Variants in ATG2A observed in about 807,000 individuals in gnomAD.
ATG2A encodes the protein autophagy-related protein 2 homolog A.
ATG2A carries 103 observed loss-of-function variants against 214.2 expected under a neutral mutation model. That is an observed-to-expected ratio of 0.48 (90% CI 0.41 to 0.57). ATG2A has a LOEUF of 0.57. Among genes scored for constraint, ATG2A ranks in the 20% least tolerant of loss-of-function variants. ATG2A has a pLI of 0.00. For synonymous variants in ATG2A, 1,160 were observed against 1,142.1 expected, an observed-to-expected ratio of 1.02 and a Z score of -0.32; for missense variants, 2,312 against 2,613.2, an observed-to-expected ratio of 0.88 and a Z score of 2.51.
chr11:64,905,182 G>A (rs558396343), intron 24 of ATG2A, among the ~76,000 whole-genome samples: 2 of 152,282 alleles, frequency 1.3e-5, no homozygotes, highest in East Asian at 1.9e-4. Context: ...GGATTCTTCA[G>A]CTTCACCTTA....
In ATG2A at chr11:64,908,846, G is replaced by A. The variant is rs1295589166; in HGVS notation, c.2364+145C>T. On this transcript the variant is annotated intron_variant, in intron 16 of 40. Coordinates refer to ENST00000377264, the MANE Select transcript of ATG2A (RefSeq NM_015104.3). ...ACTGGCTGGAAAGAATGGAAGAGCC[G>A]AAATCCTCACTGGTGTTGGGTCAGC... 6.8e-5 allele frequency: 60 copies of A among 876,696 alleles called. No individual in the cohort carries two copies. The East Asian group carries it at 1.3e-3, about 19-fold the overall frequency. 54.3% of individuals were successfully genotyped at this position (876,696 alleles called of 1,614,324 possible). A position where few individuals can be genotyped will look rare whatever the true frequency, so the allele number is the denominator to read the frequency against.
chr11:64,914,266 G>A, intron 2 of ATG2A, 33 bp from the exon 3 acceptor site: 1 of 1,550,840 alleles, frequency 6.4e-7, no homozygotes, highest in Non-Finnish European at 8.7e-7. Context: ...AAGGCAGGCA[G>A]GCCCAGTCAG....
intron 36 of ATG2A, 24 bp from the exon 37 acceptor site, chr11:64,897,518 T>A: frequency 6.3e-7 from 1 of 1,586,324 alleles, no homozygotes; most frequent in East Asian, 2.3e-5. Context: ...GGGGTCCAGG[T>A]TTACCCAATG....
intron 39 of ATG2A, among the ~76,000 whole-genome samples, chr11:64,896,256 T>G (rs907542269): frequency 1.3e-5 from 2 of 152,222 alleles, no homozygotes; most frequent in African/African-American, 2.4e-5. Context: ...CGCTCCTGCA[T>G]GGGAGCCCCT....
At position 64,909,894 on chromosome 11, in the gene ATG2A, T is replaced by C. The variant is rs1565056985; in HGVS notation, c.1894A>G (p.Thr632Ala). 6.2e-7 allele frequency: 1 copy of C among 1,604,794 alleles called. No individual in the cohort carries two copies. The highest frequency in any genetic ancestry group is 8.5e-7 in the Non-Finnish European group (1 of 1,175,986). Residue 632 changes from threonine to alanine, a missense_variant, in exon 14 of 41, where the codon ACG becomes GCG. Physicochemically the swap from Thr to Ala is moderately conservative, Grantham distance 58. Transcript: ENST00000377264. ...TEPLPAMEQQ[T>A]VFRLSAPRAT... ...CGGGGTGCAGAGAGCCGAAATACCG[T>C]CTGCTGCTCCATCGCCGGCAGGGGC...
rs78213205 is a variant in ATG2A at position 64,894,734 on chromosome 11, C to A, written c.*239G>T. On this transcript the variant is annotated 3_prime_UTR_variant, in exon 41 of 41. Coordinates refer to ENST00000377264, the MANE Select transcript of ATG2A (RefSeq NM_015104.3). ...CCTGGGAGAAGGCAGCAGTGTGGGCCCAGGTCGGGGGAGGGGCAGTGTCCT... is the reference window on the plus strand; with the variant it reads ...CCTGGGAGAAGGCAGCAGTGTGGGCACAGGTCGGGGGAGGGGCAGTGTCCT... 4,425 of 702,360 alleles carry A rather than the reference C, an allele frequency of 6.3e-3. 142 individuals carry two copies. In the African/African-American group the frequency reaches 0.067, roughly 11 times the overall value. The allele number at this position is 702,360 out of a possible 1,614,324, so 43.5% of individuals were successfully genotyped here.
chr11:64,896,275 C>T (rs60217790), intron 39 of ATG2A, among the ~76,000 whole-genome samples, 187 bp downstream of exon 39: 3,032 of 152,298 alleles, frequency 0.02, 105 homozygotes, highest in African/African-American at 0.068. Context: ...CTGTGGGCCT[C>T]GGGAGACCTG....
Position 64,902,189 on chromosome 11 carries a change from G to A in ATG2A, c.3905-13C>T. On this transcript the variant is annotated splice_polypyrimidine_tract_variant and intron_variant, in intron 28 of 40. Coordinates refer to ENST00000377264, the MANE Select transcript of ATG2A (RefSeq NM_015104.3). Reference sequence around the variant, plus strand: ...GGGAGGTGGCCACCTATAGGAGAGAGGCCAGTTTGGAGAGGCGCCCACAGT... The same window carrying A: ...GGGAGGTGGCCACCTATAGGAGAGAAGCCAGTTTGGAGAGGCGCCCACAGT... The A allele has an allele frequency of 6.2e-7, 1 of 1,612,890 alleles. No homozygotes were observed. Among genetic ancestry groups the A allele is most frequent in the Non-Finnish European group, 8.5e-7 (1 of 1,179,984 alleles).
rs372801800 is a variant in ATG2A, at chr11:64,898,762, C to T, written c.4545G>A (p.Pro1515=). The T allele has an allele frequency of 3.6e-5, 58 of 1,613,762 alleles. No individual in the cohort carries two copies. The highest frequency in any genetic ancestry group is 3.2e-4 in the South Asian group (29 of 91,082). ...AAPSQELEER[P]LSRQVFIVQE... ...GCACGATGAACACCTGACGGGACAG[C>T]GGTCGCTCCTCCAGCTCCTGGCTGG... Residue 1515 remains proline (P), a synonymous_variant, in exon 32 of 41, where the codon CCG becomes CCA. Coordinates refer to ENST00000377264, the MANE Select transcript of ATG2A (RefSeq NM_015104.3). This position sits in a 1 kb window ranked among gnomAD's most constrained non-coding sequence, Gnocchi z 4.5.
intron 1 of ATG2A, among the ~76,000 whole-genome samples, chr11:64,915,695 AG>A (rs1233284856): frequency 6.6e-6 from 1 of 152,176 alleles, no homozygotes; most frequent in Non-Finnish European, 1.5e-5. Context: ...GGGGAAGCCT[AG>A]GGCTGGGTAT....
Position 64,903,779 on chromosome 11 carries a change from A to G in ATG2A, c.3465-119T>C. The stretch of plus-strand genomic sequence containing the variant: ...GGTATGGACAGGCCCCTCCAGCCTC[A>G]GCGTTCCTGCCTGCACAATGGGGAG... On this transcript the variant is annotated intron_variant, in intron 24 of 40. Coordinates refer to ENST00000377264, the MANE Select transcript of ATG2A (RefSeq NM_015104.3). This position sits in a 1 kb window ranked among gnomAD's most constrained non-coding sequence, Gnocchi z 4.2. 2 of 956,460 alleles carry G rather than the reference A, an allele frequency of 2.1e-6. No individual in the cohort carries two copies. Among genetic ancestry groups the G allele is most frequent in the Middle Eastern group, 3.3e-4 (1 of 3,024 alleles). 59.2% of individuals were successfully genotyped at this position (956,460 alleles called of 1,614,324 possible). A position where few individuals can be genotyped will look rare whatever the true frequency, so the allele number is the denominator to read the frequency against.
chr11:64,905,735 C>T lies in ATG2A; in HGVS notation c.3371+7G>A, dbSNP rs1944521848. 1 of 1,613,966 alleles carries T rather than the reference C, an allele frequency of 6.2e-7. No individual in the cohort carries two copies. On this transcript the variant is annotated splice_region_variant and intron_variant, in intron 23 of 40. Transcript: ENST00000377264. Reference sequence around the variant, plus strand: ...GTCCCCAGCCCCTGGCCCACCCAGCCTGGTACCTATAGTCCACAGAGCAGG... The same window carrying T: ...GTCCCCAGCCCCTGGCCCACCCAGCTTGGTACCTATAGTCCACAGAGCAGG...
In ATG2A at chr11:64,896,613, T is replaced by C. The variant is rs759205889; in HGVS notation, c.5276A>G (p.Gln1759Arg). The stretch of plus-strand genomic sequence containing the variant: ...CAGCCACAGCAGGTCCCGGAACCCT[T>C]GGACTAGGGGGAAGGAGCGCTCAGA... ...GPMHSVVQLF[Q>R]GFRDLLWLPI... Residue 1759 changes from glutamine (Q) to arginine (R), a missense_variant, in exon 39 of 41, where the codon CAA becomes CGA. Gln to Arg is a conservative substitution (Grantham distance 43). Transcript: ENST00000377264. 2 of 1,613,374 alleles carry C rather than the reference T, an allele frequency of 1.2e-6. No individual in the cohort carries two copies. The highest frequency in any genetic ancestry group is 4.5e-5 in the East Asian group (2 of 44,874).
At chr11:64,900,318 C>A (rs1944307535) in intron 31 of ATG2A, among the ~76,000 whole-genome samples, 176 bp downstream of exon 31, 1 of 152,234 alleles carries the variant, frequency 6.6e-6, no homozygotes, top group Non-Finnish European at 1.5e-5. Flanking sequence ...TGCAGACTCT[C>A]CCCTGAGCGC....
chr11:64,917,201 C>T lies in ATG2A; in HGVS notation c.-66G>A. On this transcript the variant is annotated 5_prime_UTR_variant, in exon 1 of 41. Transcript: ENST00000377264. Reference sequence around the variant, plus strand: ...CGCCGGCGATCCCCGTCCGGCTCCGCTGTTCACTAGAGCCCCCGGCTCGCC... The same window carrying T: ...CGCCGGCGATCCCCGTCCGGCTCCGTTGTTCACTAGAGCCCCCGGCTCGCC... 6.7e-7 allele frequency: 1 copy of T among 1,502,482 alleles called. No individual in the cohort carries two copies. Among genetic ancestry groups the T allele is most frequent in the Non-Finnish European group, 8.9e-7 (1 of 1,119,788 alleles). The allele number at this position is 1,502,482 out of a possible 1,614,324, so 93.1% of individuals were successfully genotyped here.
chr11:64,900,741 G>A (rs1053341518), intron 30 of ATG2A, 112 bp from the exon 31 acceptor site: 2 of 1,449,652 alleles, frequency 1.4e-6, no homozygotes, highest in African/African-American at 2.9e-5. Flanking sequence ...AGTCCTGGAA[G>A]GCAGGCGGGA....
At chr11:64,909,656 A>T in intron 14 of ATG2A, 25 bp downstream of exon 14, 1 of 1,604,482 alleles carries the variant, frequency 6.2e-7, no homozygotes, top group Non-Finnish European at 8.5e-7. Context: ...TCTTGCCCCA[A>T]GTTCTGTCAC....
chr11:64,902,666 G>A lies in ATG2A; in HGVS notation c.3627C>T (p.Phe1209=), dbSNP rs575286148. 696 of 1,610,150 alleles carry A rather than the reference G, an allele frequency of 4.3e-4. 1 individual carries two copies. Among genetic ancestry groups the A allele is most frequent in the Middle Eastern group, 8.2e-4 (4 of 4,902 alleles). The change falls in exon 27 of 41, where the codon TTC becomes TTT. Residue 1209 remains phenylalanine (F), a synonymous_variant. Transcript: ENST00000377264. ...CCACATTGTTGGAGCAGCGCAGCTC[G>A]AATAGTGGCTGGCTCTGCAGGGGCG... ...STEGKLSQPL[F]ELRCSNNVVH... is the part of the protein sequence containing the mutation.
At chr11:64,905,955 AG>A (rs1944530787) in intron 22 of ATG2A, 107 bp from the exon 23 acceptor site, 1 of 1,376,126 alleles carries the variant, frequency 7.3e-7, no homozygotes, top group Non-Finnish European at 1.0e-6. Flanking sequence ...TCTGCCCACT[AG>A]CTGTCTGCCA....
Sources: gnomAD v4.1 joint callset for allele counts (sites outside exome capture counted in the v4.1 genomes callset) on GRCh38, gnomAD v4.1.1 for gene constraint, Gnocchi (gnomAD v3.1) non-coding constraint, MANE v1.5 for transcripts, NCBI Gene and HGNC (gene_info 2026-07-23, HGNC 2026-07-21) for gene names.